Variants in IMPG1 observed in about 807,000 individuals in gnomAD.
IMPG1 encodes interphotoreceptor matrix proteoglycan 1, also known as interphotoreceptor matrix proteoglycan of 150 kDa.
IMPG1 carries 85 observed loss-of-function variants against 92.0 expected under a neutral mutation model. The observed-to-expected ratio is 0.92, with a 90% confidence interval of 0.78 to 1.11. The LOEUF (loss-of-function observed/expected upper bound fraction) is 1.11, where lower values mean the gene tolerates loss of function less well. Ranked by LOEUF, IMPG1 falls within the 50% of genes least tolerant of loss-of-function variation. The probability of loss-of-function intolerance (pLI) is 0.00; values close to 1 mark genes in which losing one functional copy is unlikely to be tolerated. For synonymous variants in IMPG1, 367 were observed against 334.1 expected (o/e 1.10, Z -1.08); for missense variants, 1,022 against 956.0 (o/e 1.07, Z -0.91).
intron 12 of IMPG1, among the ~76,000 whole-genome samples, chr6:75,960,113 G>T (rs750690055): frequency 1.3e-4 from 20 of 152,134 alleles, no homozygotes; most frequent in Non-Finnish European, 2.6e-4. Flanking sequence ...CCTTTGCTAG[G>T]GGTGGTAGTT....
At chr6:75,932,623 T>C (rs949523385) in intron 14 of IMPG1, among the ~76,000 whole-genome samples, 1 of 152,212 alleles carries the variant, frequency 6.6e-6, no homozygotes, top group African/African-American at 2.4e-5. Context: ...GTTATCATTT[T>C]CTTTATCTGC....
At chr6:75,970,292 G>T (rs1782384855) in intron 12 of IMPG1, among the ~76,000 whole-genome samples, 1 of 151,622 alleles carries the variant, frequency 6.6e-6, no homozygotes, top group African/African-American at 2.4e-5. Context: ...GATGGGTGTT[G>T]CCTTGAGCAG....
intron 4 of IMPG1, among the ~76,000 whole-genome samples, chr6:76,031,828 G>A (rs972783887): frequency 3.9e-5 from 6 of 152,178 alleles, no homozygotes; most frequent in African/African-American, 1.4e-4. Flanking sequence ...CAAGTCAACA[G>A]TCCATTTTGT....
chr6:76,005,308 C>G lies in IMPG1; in HGVS notation c.1114G>C (p.Gly372Arg), dbSNP rs754453292. Residue 372 changes from glycine (G) to arginine (R), a missense_variant, in exon 10 of 17, where the codon GGG becomes CGG. Gly to Arg is a moderately radical substitution (Grantham distance 125, BLOSUM62 -2). Transcript: ENST00000369950. ...ALEEEQSLDV[G>R]TIQFTDEIAG... is the part of the protein sequence containing the mutation. ...TGACCATCAGTGAACTGAATTGTCC[C>G]CACATCCAAAGATTGTTCTTCCTCT... is the stretch of plus-strand genomic sequence containing the variant. 1 of 1,613,858 alleles carries G rather than the reference C, an allele frequency of 6.2e-7. No individual in the cohort carries two copies. The highest frequency in any genetic ancestry group is 8.5e-7 in the Non-Finnish European group (1 of 1,179,914).
intron 8 of IMPG1, among the ~76,000 whole-genome samples, chr6:76,010,147 T>G (rs1281925358): frequency 6.6e-6 from 1 of 152,224 alleles, no homozygotes; most frequent in Non-Finnish European, 1.5e-5. Flanking sequence ...TTGAAAGAAA[T>G]AAACCATGAG....
chr6:75,976,872 A>C (rs903465065), intron 12 of IMPG1, among the ~76,000 whole-genome samples: 1 of 151,652 alleles, frequency 6.6e-6, no homozygotes, highest in Non-Finnish European at 1.5e-5. Context: ...AGATTGTGCC[A>C]CTGCACTCCA....
intron 12 of IMPG1, among the ~76,000 whole-genome samples, chr6:75,959,414 C>T (rs943909548): frequency 6.6e-6 from 1 of 152,216 alleles, no homozygotes; most frequent in African/African-American, 2.4e-5. Flanking sequence ...AGATCTGCTG[C>T]TCTCTTCAGA....
chr6:76,000,039 G>C (rs1237588610), intron 12 of IMPG1, among the ~76,000 whole-genome samples: 1 of 152,162 alleles, frequency 6.6e-6, no homozygotes, highest in African/African-American at 2.4e-5. Context: ...TACTATAACC[G>C]AGACTGTCCT....
intron 4 of IMPG1, among the ~76,000 whole-genome samples, chr6:76,026,283 A>T (rs2149485178): frequency 6.6e-6 from 1 of 152,306 alleles, no homozygotes; most frequent in Non-Finnish European, 1.5e-5. Context: ...TGAACTAAGG[A>T]TAAGTCCTGC....
At chr6:75,950,362 A>T (rs1459232087) in intron 13 of IMPG1, among the ~76,000 whole-genome samples, 200 bp downstream of exon 13, 1 of 152,114 alleles carries the variant, frequency 6.6e-6, no homozygotes, top group African/African-American at 2.4e-5. Flanking sequence ...GTGTCTTCCC[A>T]TTTGTCTATC....
At chr6:75,929,597 C>T (rs542532946) in intron 15 of IMPG1, among the ~76,000 whole-genome samples, 1 of 149,024 alleles carries the variant, frequency 6.7e-6, no homozygotes. Flanking sequence ...ATACCTAATG[C>T]TAAATGATGA....
At chr6:75,997,478 C>T (rs1782922471) in intron 12 of IMPG1, among the ~76,000 whole-genome samples, 1 of 152,176 alleles carries the variant, frequency 6.6e-6, no homozygotes, top group Non-Finnish European at 1.5e-5. Flanking sequence ...ATTTCTTTCC[C>T]TGCATACCTA....
chr6:75,922,131 T>C lies in IMPG1; in HGVS notation c.2352A>G (p.Val784=). 7.1e-7 allele frequency: 1 copy of C among 1,413,100 alleles called. No homozygotes were observed. Among genetic ancestry groups the C allele is most frequent in the South Asian group, 1.2e-5 (1 of 83,764 alleles). 87.5% of individuals were successfully genotyped at this position (1,413,100 alleles called of 1,614,324 possible). A position where few individuals can be genotyped will look rare whatever the true frequency, so the allele number is the denominator to read the frequency against. The change falls in exon 17 of 17, where the codon GTA becomes GTG. Residue 784 remains valine, a synonymous_variant. Coordinates refer to ENST00000369950, the MANE Select transcript of IMPG1 (RefSeq NM_001563.4). ...CTTGATGGTTAAATTCTTCATATTC[T>C]ACGGTCAGTAATTCAGAATTTCTTT... ...ISKRNSELLT[V]EYEEFNHQDW... is the part of the protein sequence containing the mutation.
rs369476739 is a variant in IMPG1, at chr6:76,042,676, T to C, written c.68-550A>G. Among the ~76,000 whole-genome samples, 4 of 152,192 alleles carry C rather than the reference T, an allele frequency of 2.6e-5. No homozygotes were observed. In the East Asian group the frequency reaches 5.8e-4, roughly 22 times the overall value. Reference sequence around the variant, plus strand: ...TTGGAGCAAGGATGTATCTTATAGTTGCATTTATAGTACAAGCTTTGCCGT... The same window carrying C: ...TTGGAGCAAGGATGTATCTTATAGTCGCATTTATAGTACAAGCTTTGCCGT... On this transcript the variant is annotated intron_variant, in intron 1 of 16. Coordinates refer to ENST00000369950, the MANE Select transcript of IMPG1 (RefSeq NM_001563.4).
chr6:76,017,259 T>C (rs1783307256), intron 7 of IMPG1, among the ~76,000 whole-genome samples: 2 of 151,174 alleles, frequency 1.3e-5, no homozygotes, highest in Non-Finnish European at 2.9e-5. Flanking sequence ...GCATAGTAGC[T>C]GGATTTATCC....
chr6:75,974,393 T>TCCTTCCTTCCTTGCTTGC (rs1562354842), intron 12 of IMPG1, among the ~76,000 whole-genome samples: 4 of 65,032 alleles, frequency 6.2e-5, no homozygotes, highest in African/African-American at 2.3e-4. Flanking sequence ...CTTTCTTTCT[T>TCCTTCCTTCCTTGCTTGC]TTCTTTCTTT....
chr6:75,960,973 C>A (rs1782204776), intron 12 of IMPG1, among the ~76,000 whole-genome samples: 1 of 152,192 alleles, frequency 6.6e-6, no homozygotes, highest in Non-Finnish European at 1.5e-5. Flanking sequence ...TGGTCACTTT[C>A]CAGGTTGGAG....
intron 3 of IMPG1, 21 bp downstream of exon 3, chr6:76,034,600 C>T (rs369335839): frequency 6.2e-6 from 10 of 1,612,880 alleles, no homozygotes; most frequent in Non-Finnish European, 7.6e-6. Context: ...TTCCAAATAA[C>T]CATGTGGTGT....
In IMPG1 at chr6:76,005,517, A is replaced by C. The variant is rs755997435; in HGVS notation, c.905T>G (p.Met302Arg). 2 of 1,613,848 alleles carry C rather than the reference A, an allele frequency of 1.2e-6. No individual in the cohort carries two copies. Among genetic ancestry groups the C allele is most frequent in the Non-Finnish European group, 1.7e-6 (2 of 1,179,894 alleles). ...TCTCTTAAAGATGGCCGTAAGTTGC[A>C]TCTCTGTGGAGCTTGAGCTGTAGAT... ...KEKDGSSSTE[M>R]QLTAIFKRHS... is the part of the protein sequence containing the mutation. The change falls in exon 10 of 17, where the codon ATG (methionine) becomes AGG (arginine). Residue 302 changes from methionine (M) to arginine (R), a missense_variant. Around this residue, in one of 3 missense-constraint regions of IMPG1, gnomAD observed 681 missense variants for 583.6 expected, o/e 1.17. Coordinates refer to ENST00000369950, the MANE Select transcript of IMPG1 (RefSeq NM_001563.4).
Sources: gnomAD v4.1 joint callset for allele counts (sites outside exome capture counted in the v4.1 genomes callset) on GRCh38, gnomAD v4.1.1 for gene constraint, gnomAD v4.1.1 regional missense constraint, MANE v1.5 for transcripts, NCBI Gene and HGNC (gene_info 2026-07-23, HGNC 2026-07-21) for gene names.